FBXO34: variants seen among roughly 807,000 people sequenced by gnomAD.
FBXO34 encodes the protein F-box only protein 34.
FBXO34 carries 12 observed loss-of-function variants against 24.5 expected under a neutral mutation model. That is an observed-to-expected ratio of 0.49 (90% CI 0.31 to 0.79). The LOEUF is 0.79. Ranked by LOEUF, FBXO34 falls within the 30% of genes least tolerant of loss-of-function variation. The pLI is 0.04. For synonymous variants in FBXO34, 320 were observed against 311.9 expected, an observed-to-expected ratio of 1.03 and a Z score of -0.27; for missense variants, 823 against 857.7, an observed-to-expected ratio of 0.96 and a Z score of 0.51.
At chr14:55,273,705 C>T (rs1010412412) in intron 1 of FBXO34, among the ~76,000 whole-genome samples, 1 of 152,146 alleles carries the variant, frequency 6.6e-6, no homozygotes, top group Non-Finnish European at 1.5e-5. Flanking sequence ...CTATGTAATG[C>T]AATTGAAGGA....
At chr14:55,324,100 CCCAGTGGTTGCCCTAGG>C (rs1883261619) in intron 1 of FBXO34, among the ~76,000 whole-genome samples, 1 of 152,078 alleles carries the variant, frequency 6.6e-6, no homozygotes, top group Non-Finnish European at 1.5e-5. Context: ...CCTCCTCCCC[CCCAGTGGTTGCCCTAGG>C]CAACAACTGT....
At chr14:55,356,193 T>C (rs1884520339), downstream of FBXO34, among the ~76,000 whole-genome samples, 1 of 152,196 alleles carries the variant, frequency 6.6e-6, no homozygotes, top group Admixed American at 6.5e-5. Context: ...GGCACTGTTT[T>C]TATGTGAGTG....
In FBXO34 at chr14:55,343,159, C is replaced by T. The variant is rs80138865; in HGVS notation, c.-10-7222C>T. On this transcript the variant is annotated intron_variant, in intron 1 of 1. Coordinates refer to ENST00000313833, the MANE Select transcript of FBXO34 (RefSeq NM_017943.4). Reference sequence around the variant, plus strand: ...TTTTAAGACACAAATGATGAATTTTCTTACTGTATACTTTTTTCCTCTCTA... The same window carrying T: ...TTTTAAGACACAAATGATGAATTTTTTTACTGTATACTTTTTTCCTCTCTA... 5.3e-3 allele frequency among the ~76,000 whole-genome samples: 802 copies of T among 151,480 alleles called. 21 individuals carry two copies. In the South Asian group the frequency reaches 0.061, roughly 12 times the overall value.
At chr14:55,361,207 T>A (rs1020759350) in intron 3 of FBXO34, among the ~76,000 whole-genome samples, 1 of 152,136 alleles carries the variant, frequency 6.6e-6, no homozygotes, top group African/African-American at 2.4e-5. Flanking sequence ...AGCTATTGGC[T>A]GCAGAATGGA....
At chr14:55,286,906 CT>C (rs34073592) in intron 1 of FBXO34, among the ~76,000 whole-genome samples, 1,737 of 125,392 alleles carry the variant, frequency 0.014, 6 homozygotes, top group Middle Eastern at 0.029. Context: ...GTTTCATTTA[CT>C]TTTTTTTTTT....
chr14:55,408,735 C>T, the FBXO34 span, among the ~76,000 whole-genome samples: 2 of 152,120 alleles, frequency 1.3e-5, no homozygotes, highest in Non-Finnish European at 2.9e-5. Flanking sequence ...TGTGCCAGTG[C>T]ACTCCAGCCT....
chr14:55,440,451 G>GACTT, the FBXO34 span: 1 of 1,612,998 alleles, frequency 6.2e-7, no homozygotes, highest in Non-Finnish European at 8.5e-7. Flanking sequence ...CTGCTCCATG[G>GACTT]ACCGTAATCC....
At chr14:55,370,726 C>T (rs958724517), downstream of FBXO34, among the ~76,000 whole-genome samples, 6 of 152,040 alleles carry the variant, frequency 3.9e-5, no homozygotes, top group Non-Finnish European at 4.4e-5. Context: ...CTGCAACCTC[C>T]ACCGCCCAGG....
the FBXO34 span, chr14:55,433,534 G>A: frequency 8.7e-7 from 1 of 1,151,674 alleles, no homozygotes; most frequent in South Asian, 1.4e-5. Context: ...AAGGCATTTT[G>A]CTTCTACTAT....
chr14:55,394,226 C>T, the FBXO34 span, among the ~76,000 whole-genome samples: 16 of 151,802 alleles, frequency 1.1e-4, no homozygotes, highest in Middle Eastern at 3.4e-3. Context: ...AGGCTGGTCT[C>T]GAACTCCTGA....
chr14:55,336,632 G>T (rs1182209640), intron 1 of FBXO34, among the ~76,000 whole-genome samples: 1 of 152,098 alleles, frequency 6.6e-6, no homozygotes, highest in Non-Finnish European at 1.5e-5. Flanking sequence ...TAGCCATCAT[G>T]CAGCTTCAGC....
chr14:55,286,617 G>A (rs895277967), intron 1 of FBXO34, among the ~76,000 whole-genome samples: 3 of 152,124 alleles, frequency 2.0e-5, no homozygotes, highest in Admixed American at 6.5e-5. Flanking sequence ...GCCCTCAGGA[G>A]CATTTACTCT....
chr14:55,364,590 A>G (rs1204844528), downstream of FBXO34, among the ~76,000 whole-genome samples: 42 of 151,202 alleles, frequency 2.8e-4, no homozygotes, highest in Admixed American at 2.7e-3. Flanking sequence ...ACACCTGGCT[A>G]ATTTTTTTTT....
At chr14:55,298,037 C>T (rs1882200453) in intron 1 of FBXO34, among the ~76,000 whole-genome samples, 1 of 152,202 alleles carries the variant, frequency 6.6e-6, no homozygotes, top group Non-Finnish European at 1.5e-5. Context: ...TTTTTTGATT[C>T]CAGTAAGTGG....
rs114044282 is a variant in FBXO34 at position 55,272,271 on chromosome 14, A to T, written c.-11+734A>T. 286 of 152,396 alleles carry T rather than the reference A, an allele frequency of 1.9e-3. 1 individual carries two copies. Among genetic ancestry groups the T allele is most frequent in the African/African-American group, 6.7e-3 (279 of 41,590 alleles). The allele number at this position is 152,396 out of a possible 1,614,324, so 9.4% of individuals were successfully genotyped here. ...TTGGAATCGCAGTGGATTTGAATCG[A>T]AAGTTGTTCGGTATCAGCATTTTGC... is the stretch of plus-strand genomic sequence containing the variant. On this transcript the variant is annotated intron_variant, in intron 1 of 1. Transcript: ENST00000313833.
intron 1 of FBXO34, among the ~76,000 whole-genome samples, chr14:55,272,550 C>T (rs1169899229): frequency 4.2e-5 from 6 of 141,822 alleles, no homozygotes; most frequent in Non-Finnish European, 9.1e-5. Flanking sequence ...TTTAACTGGA[C>T]ATCTATCTGC....
chr14:55,414,258 G>A, the FBXO34 span: 14 of 716,256 alleles, frequency 2.0e-5, no homozygotes, highest in African/African-American at 1.3e-4. Context: ...ACACAGAGTC[G>A]CCCTTTAATA....
At chr14:55,400,889 G>A in the FBXO34 span, among the ~76,000 whole-genome samples, 7 of 150,882 alleles carry the variant, frequency 4.6e-5, no homozygotes, top group Middle Eastern at 3.4e-3. Context: ...GGGTGACAGA[G>A]TGAGACTGTC....
chr14:55,311,987 G>T lies in FBXO34; in HGVS notation c.-10-38394G>T, dbSNP rs368716048. Among the ~76,000 whole-genome samples the T allele has an allele frequency of 7.2e-5, 11 of 152,246 alleles. No homozygotes were observed. The South Asian group carries it at 1.0e-3, about 14-fold the overall frequency. The stretch of plus-strand genomic sequence containing the variant: ...GAGGCTGAGGCAGGCAGATCACGAG[G>T]TAAGGCGTTCGAGACCAGCCTGACC... On this transcript the variant is annotated intron_variant, in intron 1 of 1. Coordinates refer to ENST00000313833, the MANE Select transcript of FBXO34 (RefSeq NM_017943.4).
Sources: gnomAD v4.1 joint callset for allele counts (sites outside exome capture counted in the v4.1 genomes callset) on GRCh38, gnomAD v4.1.1 for gene constraint, MANE v1.5 for transcripts, NCBI Gene and HGNC (gene_info 2026-07-23, HGNC 2026-07-21) for gene names.